The following PNPT1 variants were observed in gnomAD, a reference collection of about 807,000 sequenced individuals.
PNPT1 encodes polyribonucleotide nucleotidyltransferase 1, mitochondrial.
Under a neutral mutation model 119.5 loss-of-function variants are expected in PNPT1, and 53 were observed. The observed-to-expected ratio is 0.44, with a 90% CI of 0.36 to 0.56. The LOEUF is 0.56. Ranked by LOEUF, PNPT1 falls within the 20% of genes least tolerant of loss-of-function variation. The pLI is 0.00. For missense variants in PNPT1, 948 were observed against 938.5 expected (o/e 1.01, Z -0.13); for synonymous variants, 357 against 322.1 (o/e 1.11, Z -1.16).
At chr2:55,667,585 C>CA (rs61218984) in intron 12 of PNPT1, among the ~76,000 whole-genome samples, 77 of 135,706 alleles carry the variant, frequency 5.7e-4, no homozygotes, top group Middle Eastern at 7.9e-3. Context: ...GACTCTGTCT[C>CA]AAAAAAAAAA....
rs1164892719 is a variant in PNPT1 at position 55,652,513 on chromosome 2, C to G, written c.1495+2387G>C. On this transcript the variant is annotated intron_variant, in intron 18 of 27. Transcript: ENST00000447944. ...GTATTTTTACTGGCAGGCCAGTGTT[C>G]TCAGTCAAGTCAACATTGAAAGAGA... is the stretch of plus-strand genomic sequence containing the variant. 3.9e-5 allele frequency among the ~76,000 whole-genome samples: 6 copies of G among 152,252 alleles called. No individual in the cohort carries two copies. In the East Asian group the frequency reaches 1.2e-3, roughly 29 times the overall value.
intron 5 of PNPT1, among the ~76,000 whole-genome samples, chr2:55,682,303 G>T (rs1337485983): frequency 6.7e-6 from 1 of 149,102 alleles, no homozygotes; most frequent in Non-Finnish European, 1.5e-5. Flanking sequence ...ATTAAAAACA[G>T]AAAAAAATTA....
At chr2:55,650,687 C>T (rs1327939962) in intron 18 of PNPT1, among the ~76,000 whole-genome samples, 3 of 149,316 alleles carry the variant, frequency 2.0e-5, no homozygotes, top group East Asian at 2.0e-4. Context: ...CCGCCCCGTC[C>T]GGGATGTGAG....
At chr2:55,637,685 TA>T in intron 26 of PNPT1, 86 bp from the exon 27 acceptor site, 1 of 1,191,568 alleles carries the variant, frequency 8.4e-7, no homozygotes, top group South Asian at 1.3e-5. Context: ...CAAGCTTTAT[TA>T]GTTTTTCTGA....
At chr2:55,670,861 T>C (rs13009447) in intron 11 of PNPT1, among the ~76,000 whole-genome samples, 46,927 of 151,980 alleles carry the variant, frequency 0.31, 7,435 homozygotes, top group South Asian at 0.39. Flanking sequence ...GCTACATTCA[T>C]AGAAGTTAAT....
At chr2:55,673,152 T>C in intron 8 of PNPT1, 73 bp from the exon 9 acceptor site, 2 of 1,145,640 alleles carry the variant, frequency 1.7e-6, no homozygotes, top group Admixed American at 5.6e-5. Context: ...TCAAATACCA[T>C]GACATGACAT....
chr2:55,672,028 G>C lies in PNPT1; in HGVS notation c.885C>G (p.Leu295=), dbSNP rs146154795. 11 of 1,601,996 alleles carry C rather than the reference G, an allele frequency of 6.9e-6. No homozygotes were observed. Among genetic ancestry groups the C allele is most frequent in the African/African-American group, 1.3e-5 (1 of 74,322 alleles). ...GCTCGTAATCTGTAAAAACTGCATA[G>C]AGTCTCTCCATAGCAAGTCTATTTA... ...KYTHKLAMER[L]YAVFTDYEHD... is the part of the protein sequence containing the mutation. The change falls in exon 10 of 28, where the codon CTC becomes CTG. Residue 295 remains leucine, a synonymous_variant. Coordinates refer to ENST00000447944, the MANE Select transcript of PNPT1 (RefSeq NM_033109.5).
chr2:55,647,335 G>T lies in PNPT1; in HGVS notation c.1602+12C>A. ...TTCATTATTAAATATTTGAAACCGA[G>T]AATATACTTGCCAAAATATCTGTCA... is the stretch of plus-strand genomic sequence containing the variant. On this transcript the variant is annotated intron_variant, in intron 19 of 27. Coordinates refer to ENST00000447944, the MANE Select transcript of PNPT1 (RefSeq NM_033109.5). 1.9e-6 allele frequency: 3 copies of T among 1,577,892 alleles called. No homozygotes were observed. The highest frequency in any genetic ancestry group is 1.2e-5 in the South Asian group (1 of 84,850).
rs1288194209 is a variant in PNPT1 at position 55,636,022 on chromosome 2, AAT to A, written c.*213_*214del. The A allele has an allele frequency of 6.9e-6, 2 of 291,970 alleles. No individual in the cohort carries two copies. The highest frequency in any genetic ancestry group is 6.2e-6 in the Non-Finnish European group (1 of 162,596). 18.1% of individuals were successfully genotyped at this position (291,970 alleles called of 1,614,324 possible). A position where few individuals can be genotyped will look rare whatever the true frequency, so the allele number is the denominator to read the frequency against. ...TATAAATGACTTACTTTTAATAATA[AAT>A]ATTTCTTGATTTATAATGTAAATAC... On this transcript the variant is annotated 3_prime_UTR_variant, in exon 28 of 28. Transcript: ENST00000447944.
In PNPT1 at chr2:55,675,333, A is replaced by G. The variant is rs1302167759; in HGVS notation, c.680-2254T>C. On this transcript the variant is annotated intron_variant, in intron 8 of 27. Coordinates refer to ENST00000447944, the MANE Select transcript of PNPT1 (RefSeq NM_033109.5). ...GCTGGGCATGGGGCTCATGCTTGTAATTCCAGTGCTATGGGAGGCCAGGAC... is the reference window on the plus strand; with the variant it reads ...GCTGGGCATGGGGCTCATGCTTGTAGTTCCAGTGCTATGGGAGGCCAGGAC... 4.0e-5 allele frequency among the ~76,000 whole-genome samples: 6 copies of G among 151,562 alleles called. No individual in the cohort carries two copies. In the South Asian group the frequency reaches 8.4e-4, roughly 21 times the overall value.
At chr2:55,648,405 TAG>T (rs1696072109) in intron 18 of PNPT1, among the ~76,000 whole-genome samples, 1 of 152,218 alleles carries the variant, frequency 6.6e-6, no homozygotes, top group African/African-American at 2.4e-5. Flanking sequence ...TTACGTTTGT[TAG>T]ACTGTCAAAC....
chr2:55,691,549 G>A (rs181779715), intron 1 of PNPT1, among the ~76,000 whole-genome samples: 1 of 152,248 alleles, frequency 6.6e-6, no homozygotes, highest in East Asian at 1.9e-4. Flanking sequence ...AGAGGAACAG[G>A]TTGATTAATA....
chr2:55,681,292 A>AG (rs766516032), intron 5 of PNPT1, among the ~76,000 whole-genome samples: 1 of 152,166 alleles, frequency 6.6e-6, no homozygotes, highest in African/African-American at 2.4e-5. Flanking sequence ...CTGTAGTCCC[A>AG]ACTAATCAGG....
chr2:55,678,176 A>G (rs917552552), intron 8 of PNPT1, among the ~76,000 whole-genome samples: 3 of 152,226 alleles, frequency 2.0e-5, no homozygotes, highest in Non-Finnish European at 2.9e-5. Flanking sequence ...AACAGCGAAT[A>G]AACAAACGCT....
chr2:55,656,954 G>T (rs1404431570), intron 15 of PNPT1, among the ~76,000 whole-genome samples: 1 of 152,202 alleles, frequency 6.6e-6, no homozygotes, highest in Non-Finnish European at 1.5e-5. Flanking sequence ...GTTGCAAACT[G>T]TTTTATTTGG....
In PNPT1 at chr2:55,647,464, GA is replaced by G; in HGVS notation, c.1496-12del. 6.3e-7 allele frequency: 1 copy of G among 1,586,924 alleles called. No homozygotes were observed. Among genetic ancestry groups the G allele is most frequent in the Non-Finnish European group, 8.6e-7 (1 of 1,163,758 alleles). On this transcript the variant is annotated splice_polypyrimidine_tract_variant and intron_variant, in intron 18 of 27. Coordinates refer to ENST00000447944, the MANE Select transcript of PNPT1 (RefSeq NM_033109.5). ...ATGAAATTGGAACCCCTATAATTGGGAAAAAGAACAACTGTGGGTAATGTGT... is the reference window on the plus strand; with the variant it reads ...ATGAAATTGGAACCCCTATAATTGGGAAAAGAACAACTGTGGGTAATGTGT...
At chr2:55,650,936 G>T (rs1194501534) in intron 18 of PNPT1, among the ~76,000 whole-genome samples, 1 of 150,136 alleles carries the variant, frequency 6.7e-6, no homozygotes, top group Admixed American at 6.6e-5. Context: ...CCCCGTCCGG[G>T]AGGGAGGTGG....
At chr2:55,652,660 C>A (rs564585349) in intron 18 of PNPT1, among the ~76,000 whole-genome samples, 1 of 152,230 alleles carries the variant, frequency 6.6e-6, no homozygotes, top group Non-Finnish European at 1.5e-5. Flanking sequence ...ATTATTTAGT[C>A]TAAATTTCTG....
At chr2:55,645,848 G>C (rs554189518) in intron 21 of PNPT1, among the ~76,000 whole-genome samples, 56 of 151,040 alleles carry the variant, frequency 3.7e-4, no homozygotes, top group Admixed American at 1.2e-3. Flanking sequence ...CTTTTTTTTT[G>C]AGACATTTTC....
Sources: allele counts gnomAD v4.1 joint callset (sites outside exome capture counted in the v4.1 genomes callset), GRCh38; gene constraint gnomAD v4.1.1; transcripts MANE v1.5; gene names NCBI Gene and HGNC (gene_info 2026-07-23, HGNC 2026-07-21).